Variants in PINX1 observed in about 807,000 individuals in gnomAD.
The protein encoded by PINX1 is PIN2/TERF1-interacting telomerase inhibitor 1.
Under a neutral mutation model 25.4 loss-of-function variants are expected in PINX1, and 34 were observed. The ratio of observed to expected loss-of-function variants is 1.34; its 90% CI spans 1.02 to 1.78. PINX1 has a LOEUF of 1.78. PINX1 is among the 40% of genes most tolerant of loss of function. The pLI, the probability that PINX1 is intolerant of heterozygous loss-of-function variation, is 0.00. For missense variants in PINX1, 592 were observed against 404.9 expected, an observed-to-expected ratio of 1.46 and a Z score of -3.97; for synonymous variants, 197 against 147.7, an observed-to-expected ratio of 1.33 and a Z score of -2.42.
intron 6 of PINX1, among the ~76,000 whole-genome samples, chr8:10,793,126 G>C (rs1801975762): frequency 6.6e-6 from 1 of 152,162 alleles, no homozygotes; most frequent in Admixed American, 6.5e-5. Context: ...GATGACGAAA[G>C]CATGATCTTC....
intron 6 of PINX1, among the ~76,000 whole-genome samples, chr8:10,813,242 G>A (rs1797591396): frequency 6.6e-6 from 1 of 152,172 alleles, no homozygotes; most frequent in Non-Finnish European, 1.5e-5. Flanking sequence ...GGAGGGTAGA[G>A]CGATAGGTGC....
At chr8:10,780,909 G>A (rs1002372859) in intron 6 of PINX1, among the ~76,000 whole-genome samples, 1 of 152,104 alleles carries the variant, frequency 6.6e-6, no homozygotes, top group African/African-American at 2.4e-5. Context: ...AATTCTGAGA[G>A]AGAAAAACAA....
intron 6 of PINX1, among the ~76,000 whole-genome samples, chr8:10,800,019 G>A (rs760520853): frequency 6.6e-6 from 1 of 152,192 alleles, no homozygotes; most frequent in Non-Finnish European, 1.5e-5. Flanking sequence ...CTGCGATCCA[G>A]GTCTGCGTGA....
chr8:10,809,482 C>T (rs767968263), intron 6 of PINX1, among the ~76,000 whole-genome samples: 4 of 152,160 alleles, frequency 2.6e-5, no homozygotes, highest in African/African-American at 9.7e-5. Flanking sequence ...TTCTTACTCA[C>T]AGGGCTCATT....
intron 6 of PINX1, chr8:10,787,794 G>A (rs1198938758): frequency 4.4e-6 from 2 of 455,890 alleles, no homozygotes; most frequent in South Asian, 1.6e-5. Flanking sequence ...AATTCTGTAA[G>A]ACAAGGAATC....
intron 6 of PINX1, among the ~76,000 whole-genome samples, chr8:10,794,394 C>A (rs1418494991): frequency 6.6e-6 from 1 of 151,774 alleles, no homozygotes; most frequent in Non-Finnish European, 1.5e-5. Flanking sequence ...AATATCCGAA[C>A]AGTATTACAA....
At chr8:10,769,578 G>A (rs542438888) in intron 6 of PINX1, among the ~76,000 whole-genome samples, 5 of 152,308 alleles carry the variant, frequency 3.3e-5, no homozygotes, top group African/African-American at 9.6e-5. Context: ...TCAGGCCTGG[G>A]TGTCCTGAGG....
chr8:10,833,267 T>C (rs1798281373), intron 2 of PINX1, among the ~76,000 whole-genome samples: 1 of 152,208 alleles, frequency 6.6e-6, no homozygotes, highest in African/African-American at 2.4e-5. Flanking sequence ...GGGTGGCTTC[T>C]GCAAATTAAG....
intron 6 of PINX1, among the ~76,000 whole-genome samples, chr8:10,794,839 G>A (rs1375501686): frequency 6.6e-6 from 1 of 152,136 alleles, no homozygotes; most frequent in Non-Finnish European, 1.5e-5. Flanking sequence ...TGTTTTTAGT[G>A]ACATCAATAT....
At chr8:10,838,328 A>C (rs1165692787) in intron 1 of PINX1, among the ~76,000 whole-genome samples, 1 of 152,272 alleles carries the variant, frequency 6.6e-6, no homozygotes, top group Admixed American at 6.5e-5. Flanking sequence ...AATGACAAGG[A>C]TTTGACAATT....
intron 6 of PINX1, among the ~76,000 whole-genome samples, chr8:10,776,525 C>T (rs1052645907): frequency 6.6e-6 from 1 of 152,132 alleles, no homozygotes; most frequent in African/African-American, 2.4e-5. Context: ...CTGTCATTAA[C>T]CTTTGGAATG....
At chr8:10,778,111 G>C (rs1408597644) in intron 6 of PINX1, among the ~76,000 whole-genome samples, 1 of 152,090 alleles carries the variant, frequency 6.6e-6, no homozygotes, top group Non-Finnish European at 1.5e-5. Context: ...AGAAACCCTG[G>C]TCTTTGGGGG....
intron 6 of PINX1, among the ~76,000 whole-genome samples, chr8:10,778,191 G>T (rs1801454090): frequency 6.6e-6 from 1 of 152,090 alleles, no homozygotes; most frequent in African/African-American, 2.4e-5. Flanking sequence ...TTTTAACTTA[G>T]TTATGGACTC....
At position 10,765,748 on chromosome 8, in the gene PINX1, T is replaced by C. The variant is rs1236170849; in HGVS notation, c.640A>G (p.Lys214Glu). 1 of 1,614,026 alleles carries C rather than the reference T, an allele frequency of 6.2e-7. No individual in the cohort carries two copies. ...ETQVERKRGK[K>E]RNKEATGKDV... ...TTACCTGTGGCCTCTTTATTTCTTT[T>C]CTTCCCCCTTTTACGTTCCACCTGC... The change falls in exon 7 of 7, where the codon AAA (lysine) becomes GAA (glutamate). Residue 214 changes from lysine to glutamate, a missense_variant. By Grantham distance (56) the Lys-to-Glu change is moderately conservative. Transcript: ENST00000314787.
intron 4 of PINX1, among the ~76,000 whole-genome samples, chr8:10,827,825 G>A (rs1289690574): frequency 6.6e-6 from 1 of 150,904 alleles, no homozygotes; most frequent in Non-Finnish European, 1.5e-5. Context: ...GCAGGAGAAT[G>A]GCGTGAACCT....
At position 10,769,993 on chromosome 8, in the gene PINX1, C is replaced by T. The variant is rs111525641; in HGVS notation, c.472-4077G>A. 5.0e-3 allele frequency among the ~76,000 whole-genome samples: 762 copies of T among 152,314 alleles called. 7 individuals carry two copies. The highest frequency in any genetic ancestry group is 7.3e-3 in the Admixed American group (112 of 15,310). On this transcript the variant is annotated intron_variant, in intron 6 of 6. Coordinates refer to ENST00000314787, the MANE Select transcript of PINX1 (RefSeq NM_017884.6). ...GTACTTTCAAAAGAGAAAAAAACTA[C>T]ATCATTTTGGTTTGCAATTCATATA...
At chr8:10,831,388 A>G (rs1024934477) in intron 4 of PINX1, among the ~76,000 whole-genome samples, 5 of 152,238 alleles carry the variant, frequency 3.3e-5, no homozygotes, top group African/African-American at 1.2e-4. Flanking sequence ...TAGGGTGACT[A>G]TAATAAATAA....
intron 4 of PINX1, among the ~76,000 whole-genome samples, chr8:10,828,350 G>C (rs555836447): frequency 1.3e-5 from 2 of 152,144 alleles, no homozygotes; most frequent in Non-Finnish European, 1.5e-5. Flanking sequence ...GGCTCCTACC[G>C]ACTGCAAGTG....
intron 6 of PINX1, among the ~76,000 whole-genome samples, chr8:10,816,148 A>G (rs896950857): frequency 6.6e-6 from 1 of 152,214 alleles, no homozygotes; most frequent in Non-Finnish European, 1.5e-5. Flanking sequence ...CTTCACTGAG[A>G]TAATAATGGT....
Sources: gnomAD v4.1 joint callset for allele counts (sites outside exome capture counted in the v4.1 genomes callset) on GRCh38, gnomAD v4.1.1 for gene constraint, MANE v1.5 for transcripts, NCBI Gene and HGNC (gene_info 2026-07-23, HGNC 2026-07-21) for gene names.